The following AIF1L variants were observed in gnomAD, a reference collection of about 807,000 sequenced individuals.
AIF1L encodes allograft inflammatory factor 1-like.
A neutral mutation model predicts 20.7 loss-of-function variants in AIF1L; 12 were observed. That is an observed-to-expected ratio of 0.58 (90% CI 0.37 to 0.94). The LOEUF (loss-of-function observed/expected upper bound fraction) is 0.94. Among genes scored for constraint, AIF1L ranks in the 40% least tolerant of loss-of-function variants. The pLI is 0.01. For synonymous variants in AIF1L, 76 were observed against 65.1 expected, an observed-to-expected ratio of 1.17 and a Z score of -0.81; for missense variants, 173 against 185.3, an observed-to-expected ratio of 0.93 and a Z score of 0.39.
intron 4 of AIF1L, 99 bp from the exon 5 acceptor site, chr9:131,117,657 A>G: frequency 7.4e-7 from 1 of 1,349,768 alleles, no homozygotes; most frequent in South Asian, 1.5e-5. Flanking sequence ...GCAGACGCCA[A>G]GTTTCTAGGC....
chr9:131,099,353 A>G (rs28533491), intron 2 of AIF1L, among the ~76,000 whole-genome samples: 3,106 of 152,348 alleles, frequency 0.02, 83 homozygotes, highest in African/African-American at 0.06. Flanking sequence ...AGCTCTTTGC[A>G]GACTGTGGGG....
intron 4 of AIF1L, among the ~76,000 whole-genome samples, chr9:131,115,221 G>A (rs1830980851): frequency 6.6e-6 from 1 of 152,050 alleles, no homozygotes; most frequent in Non-Finnish European, 1.5e-5. Context: ...AGGCCAAGGC[G>A]TGGGGATCAC....
intron 2 of AIF1L, among the ~76,000 whole-genome samples, chr9:131,110,942 G>C (rs1830864850): frequency 6.6e-6 from 1 of 151,798 alleles, no homozygotes; most frequent in African/African-American, 2.4e-5. Flanking sequence ...CGGAGGGGTG[G>C]GAGCGGGGGG....
At chr9:131,111,956 G>A (rs755945178) in intron 3 of AIF1L, 25 of 446,608 alleles carry the variant, frequency 5.6e-5, no homozygotes, top group East Asian at 5.4e-4. Flanking sequence ...GTTCCCGTCC[G>A]CCGCTGCCCA....
intron 2 of AIF1L, among the ~76,000 whole-genome samples, chr9:131,109,541 A>G (rs866833187): frequency 5.3e-5 from 8 of 152,226 alleles, no homozygotes; most frequent in African/African-American, 1.9e-4. Flanking sequence ...CCTGGGTGAC[A>G]AGAGCGAGAC....
chr9:131,119,076 CTT>C (rs1416337043), intron 5 of AIF1L, among the ~76,000 whole-genome samples: 4 of 152,256 alleles, frequency 2.6e-5, no homozygotes, highest in Admixed American at 1.3e-4. Flanking sequence ...TGAAATGACA[CTT>C]ATGAAGATTT....
chr9:131,096,968 C>T (rs1242654601), intron 2 of AIF1L, 105 bp downstream of exon 2: 2 of 1,271,266 alleles, frequency 1.6e-6, no homozygotes, highest in Non-Finnish European at 2.1e-6. Flanking sequence ...TACCCTCTTC[C>T]TTCCCTTCCC....
rs1472358776 is a variant in AIF1L, at chr9:131,121,205, G to C, written c.*883G>C. 1 of 684,212 alleles carries C rather than the reference G, an allele frequency of 1.5e-6. No individual in the cohort carries two copies. Among genetic ancestry groups the C allele is most frequent in the African/African-American group, 1.8e-5 (1 of 56,712 alleles). The allele number at this position is 684,212 out of a possible 1,614,324, so 42.4% of individuals were successfully genotyped here. On this transcript the variant is annotated 3_prime_UTR_variant, in exon 6 of 6. Transcript: ENST00000247291. ...GTAAGCCAAGACTGAGAAATACAAG[G>C]TTGCTTGTCTGACCCCAATCTGCTT...
At chr9:131,097,976 C>T (rs1431001543) in intron 2 of AIF1L, among the ~76,000 whole-genome samples, 1 of 152,244 alleles carries the variant, frequency 6.6e-6, no homozygotes, top group South Asian at 2.1e-4. Context: ...CCTGCAGGCT[C>T]CTCTGGTCCC....
At chr9:131,108,997 T>C (rs1283376448) in intron 2 of AIF1L, among the ~76,000 whole-genome samples, 3 of 152,212 alleles carry the variant, frequency 2.0e-5, no homozygotes, top group African/African-American at 7.2e-5. Flanking sequence ...CTAAGAGATA[T>C]GTAAGAACAG....
intron 4 of AIF1L, among the ~76,000 whole-genome samples, chr9:131,117,148 G>T (rs1216212198): frequency 6.6e-6 from 1 of 152,126 alleles, no homozygotes; most frequent in African/African-American, 2.4e-5. Flanking sequence ...TTCTTTTGTT[G>T]GTTTTCCTGC....
intron 2 of AIF1L, among the ~76,000 whole-genome samples, chr9:131,102,166 G>A (rs1830652766): frequency 6.6e-6 from 1 of 152,126 alleles, no homozygotes; most frequent in Admixed American, 6.6e-5. Context: ...ACCCGCCTTG[G>A]CCTCCCAAAG....
chr9:131,113,583 C>T (rs1032701290), intron 3 of AIF1L, among the ~76,000 whole-genome samples: 7 of 151,742 alleles, frequency 4.6e-5, no homozygotes, highest in Admixed American at 2.0e-4. Context: ...CCCAACTCTG[C>T]CCTAGGTGAG....
chr9:131,098,642 C>A (rs368060105), intron 2 of AIF1L, among the ~76,000 whole-genome samples: 2 of 151,918 alleles, frequency 1.3e-5, no homozygotes, highest in African/African-American at 4.8e-5. Flanking sequence ...GGGGAGGGGG[C>A]GGCTCCAGGG....
intron 4 of AIF1L, among the ~76,000 whole-genome samples, chr9:131,117,087 C>A (rs1328449146): frequency 6.6e-6 from 1 of 152,110 alleles, no homozygotes; most frequent in Admixed American, 6.5e-5. Context: ...GACAGCACCG[C>A]CTCGGGCTGG....
chr9:131,111,833 G>C, intron 3 of AIF1L, 170 bp downstream of exon 3: 1 of 679,828 alleles, frequency 1.5e-6, no homozygotes, highest in Non-Finnish European at 2.4e-6. Flanking sequence ...GAGAGGTGGG[G>C]AGAGGCCCCT....
At chr9:131,097,384 C>G (rs1243995243) in intron 2 of AIF1L, among the ~76,000 whole-genome samples, 3 of 152,142 alleles carry the variant, frequency 2.0e-5, no homozygotes, top group African/African-American at 7.2e-5. Flanking sequence ...CACGCCTGGC[C>G]TTAGCTATTG....
Position 131,096,832 on chromosome 9 carries a change from G to A in AIF1L, c.62G>A (p.Arg21Gln), listed in dbSNP as rs759109065. The change falls in exon 2 of 6, where the codon CGG becomes CAG. Residue 21 changes from arginine to glutamine, a missense_variant. By Grantham distance (43) the Arg-to-Gln change is conservative (BLOSUM62 1). Coordinates refer to ENST00000247291, the MANE Select transcript of AIF1L (RefSeq NM_031426.4). ...AAGGCGTTCGGCTTGCTCAAAGCCC[G>A]GCAGGAGAGGAGGCTGGCCGAGATC... The part of the protein sequence containing the change: ...GGKAFGLLKA[R>Q]QERRLAEINR... 9 of 1,538,408 alleles carry A rather than the reference G, an allele frequency of 5.9e-6. No homozygotes were observed. The highest frequency in any genetic ancestry group is 2.4e-5 in the South Asian group (2 of 82,830).
intron 2 of AIF1L, among the ~76,000 whole-genome samples, chr9:131,100,630 TG>T (rs1391187219): frequency 1.3e-5 from 2 of 152,266 alleles, no homozygotes; most frequent in East Asian, 3.9e-4. Context: ...ACTACTGGAG[TG>T]GGCAGAACTG....
Sources: allele counts gnomAD v4.1 joint callset (sites outside exome capture counted in the v4.1 genomes callset), GRCh38; gene constraint gnomAD v4.1.1; transcripts MANE v1.5; gene names NCBI Gene and HGNC (gene_info 2026-07-23, HGNC 2026-07-21).